SCFD2: variants seen among roughly 807,000 people sequenced by gnomAD.
SCFD2 encodes sec1 family domain containing 2.
SCFD2 carries 54 observed loss-of-function variants against 58.9 expected under a neutral mutation model. The ratio of observed to expected loss-of-function variants is 0.92; its 90% confidence interval spans 0.74 to 1.15. The LOEUF is 1.15. Among genes scored for constraint, SCFD2 ranks in the 50% most tolerant of loss-of-function variants. SCFD2 has a pLI of 0.00. For synonymous variants in SCFD2, 321 were observed against 335.9 expected (o/e 0.96, Z 0.49); for missense variants, 805 against 836.6 (o/e 0.96, Z 0.47).
At chr4:52,970,671 G>T (rs1219377256) in intron 5 of SCFD2, among the ~76,000 whole-genome samples, 1 of 152,166 alleles carries the variant, frequency 6.6e-6, no homozygotes, top group Non-Finnish European at 1.5e-5. Context: ...AGAGAGTAGT[G>T]GTTCTCCCAG....
At chr4:53,297,754 G>T (rs1732094580) in intron 3 of SCFD2, among the ~76,000 whole-genome samples, 1 of 152,118 alleles carries the variant, frequency 6.6e-6, no homozygotes, top group Non-Finnish European at 1.5e-5. Context: ...AAGCATCGAT[G>T]GTCTTTACAA....
chr4:53,139,564 C>T (rs1487202618), intron 5 of SCFD2, among the ~76,000 whole-genome samples: 4 of 150,718 alleles, frequency 2.7e-5, no homozygotes, highest in East Asian at 4.0e-4. Context: ...CCCCTCCGCC[C>T]GGCAGCCGCC....
chr4:52,992,184 G>A (rs563952760), intron 5 of SCFD2, among the ~76,000 whole-genome samples: 9 of 152,294 alleles, frequency 5.9e-5, no homozygotes, highest in South Asian at 2.1e-4. Flanking sequence ...GCGCCACCAC[G>A]CCTGACTGGT....
intron 6 of SCFD2, among the ~76,000 whole-genome samples, chr4:52,914,235 T>C (rs1294424043): frequency 1.3e-5 from 2 of 152,190 alleles, no homozygotes; most frequent in African/African-American, 4.8e-5. Context: ...GAAAGAACTA[T>C]AAAAATTTGA....
At chr4:53,334,112 A>G (rs1029341305) in intron 2 of SCFD2, among the ~76,000 whole-genome samples, 3 of 152,154 alleles carry the variant, frequency 2.0e-5, no homozygotes, top group African/African-American at 7.2e-5. Flanking sequence ...CACGTGCTGG[A>G]GAGGATGTGG....
At chr4:52,954,076 T>C (rs1036208799) in intron 5 of SCFD2, among the ~76,000 whole-genome samples, 4 of 152,174 alleles carry the variant, frequency 2.6e-5, no homozygotes, top group African/African-American at 9.7e-5. Context: ...GGGGTTGCTG[T>C]GACATTCACA....
At chr4:53,078,453 C>A (rs1182018806) in intron 5 of SCFD2, among the ~76,000 whole-genome samples, 3 of 152,084 alleles carry the variant, frequency 2.0e-5, no homozygotes, top group Non-Finnish European at 4.4e-5. Flanking sequence ...TTCACTTTGA[C>A]AAAGACACAA....
chr4:53,178,754 A>T (rs1405521652), intron 4 of SCFD2, among the ~76,000 whole-genome samples: 1 of 152,216 alleles, frequency 6.6e-6, no homozygotes, highest in Non-Finnish European at 1.5e-5. Context: ...ACTTTGAAAA[A>T]AAATTAGACG....
intron 5 of SCFD2, among the ~76,000 whole-genome samples, chr4:53,044,504 TC>T (rs1467490426): frequency 3.3e-5 from 5 of 151,512 alleles, no homozygotes; most frequent in African/African-American, 9.7e-5. Flanking sequence ...CTTCCTTCCT[TC>T]CTTCCTTCCT....
At chr4:53,325,224 T>TAAA (rs34208247) in intron 2 of SCFD2, among the ~76,000 whole-genome samples, 2 of 133,354 alleles carry the variant, frequency 1.5e-5, no homozygotes, top group African/African-American at 2.7e-5. Context: ...TTTGTGACAG[T>TAAA]AAAAAAAAAA....
At chr4:53,335,804 C>T (rs1560453925) in intron 2 of SCFD2, among the ~76,000 whole-genome samples, 1 of 152,086 alleles carries the variant, frequency 6.6e-6, no homozygotes. Context: ...TGCTCTCCAA[C>T]TAAATTTGGA....
At chr4:52,967,884 T>G (rs1205321639) in intron 5 of SCFD2, among the ~76,000 whole-genome samples, 1 of 152,204 alleles carries the variant, frequency 6.6e-6, no homozygotes, top group African/African-American at 2.4e-5. Context: ...GTCATTCCCA[T>G]CAGTGTTGAC....
intron 4 of SCFD2, among the ~76,000 whole-genome samples, chr4:53,225,598 A>G (rs1729186973): frequency 6.6e-6 from 1 of 152,234 alleles, no homozygotes; most frequent in Non-Finnish European, 1.5e-5. Context: ...AATAATGGCT[A>G]AAATTTGTTG....
At chr4:53,281,349 T>C (rs1731503345) in intron 3 of SCFD2, among the ~76,000 whole-genome samples, 2 of 152,212 alleles carry the variant, frequency 1.3e-5, no homozygotes. Flanking sequence ...CCCTGACTCC[T>C]AGTATGTGAT....
At chr4:53,113,285 A>G (rs1308366508) in intron 5 of SCFD2, among the ~76,000 whole-genome samples, 3 of 152,106 alleles carry the variant, frequency 2.0e-5, no homozygotes, top group African/African-American at 7.2e-5. Flanking sequence ...AGGAAGGACC[A>G]TAACCCTTAC....
chr4:53,055,990 A>G (rs1296555105), intron 5 of SCFD2, among the ~76,000 whole-genome samples: 1 of 152,162 alleles, frequency 6.6e-6, no homozygotes, highest in Non-Finnish European at 1.5e-5. Flanking sequence ...AAGGAAGGAA[A>G]ATAAAGTACC....
intron 8 of SCFD2, among the ~76,000 whole-genome samples, chr4:52,881,180 T>C (rs536477222): frequency 1.2e-4 from 19 of 152,342 alleles, no homozygotes; most frequent in Non-Finnish European, 2.2e-4. Context: ...CAGGTGGGCA[T>C]GTGGTTTCTG....
rs576212559 is a variant in SCFD2 at position 53,169,256 on chromosome 4, C to T, written c.1312-23674G>A. Among the ~76,000 whole-genome samples, 26 of 152,044 alleles carry T rather than the reference C, an allele frequency of 1.7e-4. 1 individual carries two copies. In the East Asian group the frequency reaches 4.6e-3, roughly 27 times the overall value. ...CTGGGCGCCTGTAATCCCAGCTACT[C>T]GGGAGGCCGAGGCAAGAGAATCTCT... On this transcript the variant is annotated intron_variant, in intron 4 of 8. Coordinates refer to ENST00000401642, the MANE Select transcript of SCFD2 (RefSeq NM_152540.4).
chr4:52,992,236 C>T (rs1042058273), intron 5 of SCFD2, among the ~76,000 whole-genome samples: 4 of 152,186 alleles, frequency 2.6e-5, no homozygotes, highest in African/African-American at 9.6e-5. Context: ...GCTGTGTTGG[C>T]CGGGCTGGTC....
Sources: gnomAD v4.1 joint callset for allele counts (sites outside exome capture counted in the v4.1 genomes callset) on GRCh38, gnomAD v4.1.1 for gene constraint, MANE v1.5 for transcripts, NCBI Gene and HGNC (gene_info 2026-07-23, HGNC 2026-07-21) for gene names.